EHBP1: variants seen among roughly 807,000 people sequenced by gnomAD.
The protein encoded by EHBP1 is EH domain-binding protein 1.
EHBP1 carries 55 observed loss-of-function variants against 144.0 expected under a neutral mutation model. The observed-to-expected ratio is 0.38, with a 90% CI of 0.31 to 0.48. The LOEUF is 0.48. EHBP1 is among the 20% of genes least tolerant of loss of function. The pLI is 0.98. For missense variants in EHBP1, 1,200 were observed against 1,364.2 expected (o/e 0.88, Z 1.90); for synonymous variants, 469 against 472.7 (o/e 0.99, Z 0.10).
intron 5 of EHBP1, among the ~76,000 whole-genome samples, chr2:62,773,278 T>C (rs547014721): frequency 6.6e-6 from 1 of 152,166 alleles, no homozygotes; most frequent in African/African-American, 2.4e-5. Flanking sequence ...AACTCCTGTA[T>C]AGTGAGATTT....
intron 7 of EHBP1, among the ~76,000 whole-genome samples, chr2:62,846,183 C>T (rs1199677878): frequency 6.6e-6 from 1 of 152,152 alleles, no homozygotes; most frequent in African/African-American, 2.4e-5. Flanking sequence ...AATCTAGCTT[C>T]CCTGACTTCT....
intron 8 of EHBP1, among the ~76,000 whole-genome samples, chr2:62,862,043 A>T (rs1573770678): frequency 6.6e-6 from 1 of 152,334 alleles, no homozygotes; most frequent in South Asian, 2.1e-4. Flanking sequence ...AAAATGCTTA[A>T]TTTACATGAT....
intron 19 of EHBP1, among the ~76,000 whole-genome samples, chr2:63,006,521 T>C (rs550758614): frequency 1.3e-5 from 2 of 152,094 alleles, no homozygotes; most frequent in East Asian, 3.9e-4. Context: ...CTGACAGGCT[T>C]TCTCTGCATT....
At chr2:62,802,028 A>G (rs935521416) in intron 5 of EHBP1, among the ~76,000 whole-genome samples, 3 of 152,236 alleles carry the variant, frequency 2.0e-5, no homozygotes, top group Admixed American at 2.0e-4. Flanking sequence ...AACGCAGCCC[A>G]AGAGATAACT....
intron 10 of EHBP1, among the ~76,000 whole-genome samples, chr2:62,877,977 C>G (rs1288254180): frequency 1.3e-5 from 2 of 151,996 alleles, no homozygotes; most frequent in Non-Finnish European, 2.9e-5. Context: ...AAATCTTCAG[C>G]CAAAATCAGA....
chr2:62,729,305 ATATAATATAATATT>A (rs1475089760), intron 2 of EHBP1, among the ~76,000 whole-genome samples: 2 of 131,104 alleles, frequency 1.5e-5, no homozygotes, highest in African/African-American at 2.9e-5. Flanking sequence ...ATATTTTATA[ATATAATATAATATT>A]TATAATATAA....
rs566493639 is a variant in EHBP1, at chr2:62,970,753, G to T, written c.2461-8435G>T. Among the ~76,000 whole-genome samples, 6 of 152,262 alleles carry T rather than the reference G, an allele frequency of 3.9e-5. No homozygotes were observed. The South Asian group carries it at 1.2e-3, about 32-fold the overall frequency. On this transcript the variant is annotated intron_variant, in intron 14 of 22. Coordinates refer to ENST00000431489, the MANE Select transcript of EHBP1 (RefSeq NM_001142616.3). ...TTGAATAAAGTTGGGGATTGGAGAA[G>T]CTTGATTTTCTTGTTCTCTGTGAAA... is the stretch of plus-strand genomic sequence containing the variant.
In EHBP1 at chr2:62,764,350, A is replaced by G. The variant is rs780647864; in HGVS notation, c.247A>G (p.Thr83Ala). Residue 83 changes from threonine to alanine, a missense_variant, in exon 4 of 23, where the codon ACA becomes GCA. Thr to Ala is a moderately conservative substitution (Grantham distance 58). Around this residue, in one of 6 missense-constraint regions of EHBP1, gnomAD observed 137 missense variants for 190.1 expected, o/e 0.72. Coordinates refer to ENST00000431489, the MANE Select transcript of EHBP1 (RefSeq NM_001142616.3). Reference protein sequence around the residue: ...PVPENIEITVTLFKDPHAEEF... With the variant: ...PVPENIEITVALFKDPHAEEF... ...TCCTGAAAACATTGAAATCACTGTA[A>G]CACTTTTTAAGGTAAGTTCCATTTT... is the stretch of plus-strand genomic sequence containing the variant. The G allele has an allele frequency of 1.9e-6, 3 of 1,574,984 alleles. No homozygotes were observed. The African/African-American group carries it at 4.1e-5, about 22-fold the overall frequency.
At chr2:62,957,597 A>G (rs1315520774) in intron 14 of EHBP1, among the ~76,000 whole-genome samples, 2 of 150,962 alleles carry the variant, frequency 1.3e-5, no homozygotes, top group African/African-American at 4.9e-5. Context: ...TTCCCCCAAA[A>G]TTACAAGATT....
At chr2:62,928,387 C>T (rs943415685) in intron 10 of EHBP1, among the ~76,000 whole-genome samples, 1 of 152,122 alleles carries the variant, frequency 6.6e-6, no homozygotes, top group Non-Finnish European at 1.5e-5. Flanking sequence ...AGTAAGTACT[C>T]ACCCTCCAAG....
At chr2:62,912,309 T>C (rs755634014) in intron 10 of EHBP1, among the ~76,000 whole-genome samples, 3 of 152,198 alleles carry the variant, frequency 2.0e-5, no homozygotes, top group Admixed American at 1.3e-4. Context: ...CCCAGCACTT[T>C]GGAAGGCTGA....
chr2:63,026,808 C>G (rs1368317913), intron 19 of EHBP1, among the ~76,000 whole-genome samples: 1 of 152,202 alleles, frequency 6.6e-6, no homozygotes, highest in Non-Finnish European at 1.5e-5. Flanking sequence ...GAAAGGTTGA[C>G]TCCTCCTATG....
Position 62,693,669 on chromosome 2 carries a change from A to C in EHBP1, c.-295-13228A>C, listed in dbSNP as rs143303508. On this transcript the variant is annotated intron_variant, in intron 1 of 22. Transcript: ENST00000405015. ...TTCTAGCTACTTTGAAATATACTAT[A>C]AATTCTTAACTATAGTCACCCTACT... 9.2e-5 allele frequency among the ~76,000 whole-genome samples: 14 copies of C among 152,314 alleles called. No individual in the cohort carries two copies. The East Asian group carries it at 2.3e-3, about 25-fold the overall frequency.
At chr2:62,838,713 C>T (rs2047519869) in intron 7 of EHBP1, among the ~76,000 whole-genome samples, 3 of 151,728 alleles carry the variant, frequency 2.0e-5, no homozygotes, top group South Asian at 2.1e-4. Flanking sequence ...CTACAAACAC[C>T]TCTATGCAAA....
rs374819624 is a variant in EHBP1, at chr2:62,863,760, T to C, written c.758-971T>C. Among the ~76,000 whole-genome samples, 118 of 150,672 alleles carry C rather than the reference T, an allele frequency of 7.8e-4. 1 individual carries two copies. Among genetic ancestry groups the C allele is most frequent in the South Asian group, 2.6e-3 (12 of 4,660 alleles). ...TGAGTGGTCTGTGCTTACGTAAATA[T>C]CAAAGAACATTTCAAAAGTGAATCA... On this transcript the variant is annotated intron_variant, in intron 8 of 22. Transcript: ENST00000431489.
chr2:62,698,375 G>A (rs574838260), intron 1 of EHBP1, among the ~76,000 whole-genome samples: 1 of 152,314 alleles, frequency 6.6e-6, no homozygotes, highest in South Asian at 2.1e-4. Context: ...CACTGATAAT[G>A]CAAGACAGTT....
chr2:62,687,158 A>G (rs1487830788), intron 1 of EHBP1, among the ~76,000 whole-genome samples: 1 of 152,186 alleles, frequency 6.6e-6, no homozygotes, highest in Non-Finnish European at 1.5e-5. Flanking sequence ...AAACAGGAGG[A>G]TTGAATTAAA....
At chr2:62,823,600 G>A (rs2046141730) in intron 5 of EHBP1, among the ~76,000 whole-genome samples, 1 of 152,000 alleles carries the variant, frequency 6.6e-6, no homozygotes, top group African/African-American at 2.4e-5. Flanking sequence ...ATCTTGGGTG[G>A]GTACAGATTT....
intron 19 of EHBP1, among the ~76,000 whole-genome samples, chr2:63,018,163 T>C (rs187153672): frequency 1.1e-3 from 167 of 152,220 alleles, no homozygotes; most frequent in Middle Eastern, 3.4e-3. Context: ...TCTCTAAAAC[T>C]GAAATAAAAT....
Sources: gnomAD v4.1 joint callset for allele counts (sites outside exome capture counted in the v4.1 genomes callset) on GRCh38, gnomAD v4.1.1 for gene constraint, gnomAD v4.1.1 regional missense constraint, MANE v1.5 for transcripts, NCBI Gene and HGNC (gene_info 2026-07-23, HGNC 2026-07-21) for gene names.